The following CALCA variants were observed in gnomAD, a reference collection of about 807,000 sequenced individuals.
CALCA encodes the protein calcitonin.
A neutral mutation model predicts 6.9 loss-of-function variants in CALCA; 4 were observed. The observed-to-expected ratio is 0.58, with a 90% CI of 0.29 to 1.33. The LOEUF (loss-of-function observed/expected upper bound fraction) is 1.33, where lower values mean the gene tolerates loss of function less well. Among genes scored for constraint, CALCA ranks in the 40% most tolerant of loss-of-function variants. CALCA has a pLI of 0.09. For synonymous variants in CALCA, 78 were observed against 70.0 expected (o/e 1.11, Z -0.57); for missense variants, 174 against 178.3 (o/e 0.98, Z 0.14).
chr11:14,969,280 A>C, intron 3 of CALCA, among the ~76,000 whole-genome samples: 1 of 152,134 alleles, frequency 6.6e-6, no homozygotes, highest in Non-Finnish European at 1.5e-5. Context: ...GGGGCAACAC[A>C]TGCCTCTGCC....
At chr11:14,967,857 G>C (rs1849493655), downstream of CALCA, 2 of 1,614,104 alleles carry the variant, frequency 1.2e-6, no homozygotes, top group African/African-American at 2.7e-5. Flanking sequence ...CAATGATTCT[G>C]ATTTGCAGGA....
In CALCA at chr11:14,970,068, GGGCAGACCTGT is replaced by G. The variant is rs1565209235; in HGVS notation, c.87-4_93del. 6.2e-7 allele frequency: 1 copy of G among 1,614,226 alleles called. No individual in the cohort carries two copies. Among genetic ancestry groups the G allele is most frequent in the Non-Finnish European group, 8.5e-7 (1 of 1,180,034 alleles). On this transcript the variant is annotated splice_acceptor_variant and splice_polypyrimidine_tract_variant and coding_sequence_variant and intron_variant, in exon 3 of 4. Transcript: ENST00000331587. LOFTEE classifies it high-confidence loss of function. The stretch of plus-strand genomic sequence containing the variant: ...GCCGGGTCTGCTGGGCTGCTCTCCA[GGGCAGACCTGT>G]GGAGGGGAAGCAAACTCAGTGCAGG...
At chr11:14,969,613 CT>C (rs1849542967) in intron 3 of CALCA, among the ~76,000 whole-genome samples, 1 of 152,204 alleles carries the variant, frequency 6.6e-6, no homozygotes, top group Non-Finnish European at 1.5e-5. Flanking sequence ...TTCACCCTTA[CT>C]AGTCTTAACT....
chr11:14,967,553 G>A (rs1849484141), downstream of CALCA: 3 of 1,139,802 alleles, frequency 2.6e-6, no homozygotes, highest in Non-Finnish European at 3.8e-6. Context: ...AGATACTGGT[G>A]TGGGTACCTT....
chr11:14,968,088 G>T, downstream of CALCA: 1 of 590,108 alleles, frequency 1.7e-6, no homozygotes. Flanking sequence ...GGTGACTCTG[G>T]ATGACTGGCT....
downstream of CALCA, chr11:14,966,852 C>A (rs13306223): frequency 6.6e-6 from 1 of 152,580 alleles, no homozygotes; most frequent in Non-Finnish European, 1.5e-5. Context: ...GGGTGGCTGA[C>A]GGGGCCTAGA....
At chr11:14,967,909 G>C, downstream of CALCA, 3 of 1,602,876 alleles carry the variant, frequency 1.9e-6, no homozygotes, top group Non-Finnish European at 2.6e-6. Flanking sequence ...GGCTGGGAGA[G>C]AGGTCAGCCC....
chr11:14,968,099 A>C (rs192656404), downstream of CALCA: 1 of 576,560 alleles, frequency 1.7e-6, no homozygotes, highest in Non-Finnish European at 3.1e-6. Context: ...ATGACTGGCT[A>C]TGGAATGTGG....
downstream of CALCA, chr11:14,968,393 A>C: frequency 1.8e-6 from 2 of 1,139,620 alleles, no homozygotes; most frequent in Non-Finnish European, 2.2e-6. Flanking sequence ...ACCACCCACC[A>C]TATCCTCTGT....
rs151210360 is a variant in CALCA at position 14,968,838 on chromosome 11, G to T, written c.387C>A (p.Asp129Glu). The change falls in exon 4 of 4, where the codon GAC (aspartate) becomes GAA (glutamate). Residue 129 changes from aspartate (D) to glutamate (E), a missense_variant. By Grantham distance (45) the Asp-to-Glu change is conservative (BLOSUM62 2). Transcript: ENST00000331587. ...KRDMSSDLER[D>E]HRPHVSMPQN... ...GGGGCATGCTAACATGAGGGCGATG[G>T]TCTCTCTCCAAGTCGCTGGACATAT... is the stretch of plus-strand genomic sequence containing the variant. The T allele has an allele frequency of 1.2e-5, 19 of 1,614,024 alleles. No individual in the cohort carries two copies. In the African/African-American group the frequency reaches 2.4e-4, roughly 20 times the overall value.
Position 14,968,755 on chromosome 11 carries a change from T to C in CALCA, c.*44A>G, listed in dbSNP as rs1342753444. 5 of 1,613,560 alleles carry C rather than the reference T, an allele frequency of 3.1e-6. No homozygotes were observed. The African/African-American group carries it at 6.7e-5, about 22-fold the overall frequency. On this transcript the variant is annotated 3_prime_UTR_variant, in exon 4 of 4. Coordinates refer to ENST00000331587, the MANE Select transcript of CALCA (RefSeq NM_001741.3). ...GAACCAAACCACATGCATCAAGTTA[T>C]AGGAAGGATGCAAGAAGGGAAATTA... is the stretch of plus-strand genomic sequence containing the variant.
chr11:14,970,131 A>G, intron 2 of CALCA, 56 bp from the exon 3 acceptor site: 1 of 1,604,006 alleles, frequency 6.2e-7, no homozygotes, highest in Non-Finnish European at 8.5e-7. Flanking sequence ...GCCCCTCCCC[A>G]GGATAAGCAG....
intron 1 of CALCA, 66 bp from the exon 2 acceptor site, chr11:14,971,267 G>A: frequency 9.6e-7 from 1 of 1,043,616 alleles, no homozygotes; most frequent in Non-Finnish European, 1.5e-6. Flanking sequence ...ACAGACCTTG[G>A]CTCCTATCCT....
chr11:14,968,538 A>C lies in CALCA; in HGVS notation c.*261T>G. 6 of 1,374,902 alleles carry C rather than the reference A, an allele frequency of 4.4e-6. No individual in the cohort carries two copies. The highest frequency in any genetic ancestry group is 5.6e-6 in the Non-Finnish European group (6 of 1,063,438). 85.2% of individuals were successfully genotyped at this position (1,374,902 alleles called of 1,614,324 possible). A position where few individuals can be genotyped will look rare whatever the true frequency, so the allele number is the denominator to read the frequency against. On this transcript the variant is annotated 3_prime_UTR_variant, in exon 4 of 4. Transcript: ENST00000331587. Reference sequence around the variant, plus strand: ...TAATTTTATTCCTCAAATGATCAGCACATTCAGAAGCAGGACAGAGGAGCT... The same window carrying C: ...TAATTTTATTCCTCAAATGATCAGCCCATTCAGAAGCAGGACAGAGGAGCT...
downstream of CALCA, chr11:14,967,564 C>T (rs1357117983): frequency 1.6e-6 from 2 of 1,289,090 alleles, no homozygotes; most frequent in East Asian, 5.0e-5. Context: ...TGGGTACCTT[C>T]CCTTATGGAT....
chr11:14,968,558 G>T lies in CALCA; in HGVS notation c.*241C>A. 7.1e-7 allele frequency: 1 copy of T among 1,413,648 alleles called. No homozygotes were observed. The highest frequency in any genetic ancestry group is 9.2e-7 in the Non-Finnish European group (1 of 1,085,240). The allele number at this position is 1,413,648 out of a possible 1,614,324, so 87.6% of individuals were successfully genotyped here. A position where few individuals can be genotyped will look rare whatever the true frequency, so the allele number is the denominator to read the frequency against. ...TCAGCACATTCAGAAGCAGGACAGA[G>T]GAGCTCTGATGACATCTCTGGGGGA... On this transcript the variant is annotated 3_prime_UTR_variant, in exon 4 of 4. Coordinates refer to ENST00000331587, the MANE Select transcript of CALCA (RefSeq NM_001741.3).
At chr11:14,968,188 T>A (rs1555025748), downstream of CALCA, 2 of 390,216 alleles carry the variant, frequency 5.1e-6, no homozygotes, top group African/African-American at 4.1e-5. Flanking sequence ...TGAATTATGG[T>A]CCCACACCCA....
rs538582019 is a variant in CALCA, at chr11:14,970,071, C to G, written c.91G>C (p.Ala31Pro). 32 of 1,614,214 alleles carry G rather than the reference C, an allele frequency of 2.0e-5. No homozygotes were observed. Among genetic ancestry groups the G allele is most frequent in the South Asian group, 1.8e-4 (16 of 91,076 alleles). Residue 31 changes from alanine to proline, a missense_variant, in exon 3 of 4, where the codon GCC becomes CCC. Physicochemically the swap from Ala to Pro is conservative, Grantham distance 27 (BLOSUM62 -1). Coordinates refer to ENST00000331587, the MANE Select transcript of CALCA (RefSeq NM_001741.3). ...GSLHAAPFRSALESSPADPAT... is the reference protein window; with the variant it reads ...GSLHAAPFRSPLESSPADPAT... ...GGGTCTGCTGGGCTGCTCTCCAGGG[C>G]AGACCTGTGGAGGGGAAGCAAACTC...
At chr11:14,966,687 C>T (rs574575515), downstream of CALCA, 3 of 150,610 alleles carry the variant, frequency 2.0e-5, no homozygotes, top group South Asian at 4.2e-4. Context: ...ATAGAAAATA[C>T]ATTTTTAATT....
Sources: gnomAD v4.1 joint callset for allele counts (sites outside exome capture counted in the v4.1 genomes callset) on GRCh38, gnomAD v4.1.1 for gene constraint, MANE v1.5 for transcripts, NCBI Gene and HGNC (gene_info 2026-07-23, HGNC 2026-07-21) for gene names.